Variants in MYO7A observed in about 807,000 individuals in gnomAD.
MYO7A encodes the protein myosin VIIA.
MYO7A carries 210 observed loss-of-function variants against 263.8 expected under a neutral mutation model. The observed-to-expected ratio is 0.80, with a 90% CI of 0.71 to 0.89. The LOEUF (loss-of-function observed/expected upper bound fraction) is 0.89, where lower values mean the gene tolerates loss of function less well. Ranked by LOEUF, MYO7A falls within the 40% of genes least tolerant of loss-of-function variation. MYO7A has a pLI of 0.00. For missense variants in MYO7A, 2,820 were observed against 2,968.3 expected (o/e 0.95, Z 1.16); for synonymous variants, 1,239 against 1,197.3 (o/e 1.03, Z -0.72).
At chr11:77,183,209 G>T (rs948061898) in intron 26 of MYO7A, 52 bp downstream of exon 26, 81 of 1,474,074 alleles carry the variant, frequency 5.5e-5, no homozygotes, top group Non-Finnish European at 6.5e-5. Flanking sequence ...GCCTTAGGTG[G>T]CCTAGGCTGG....
intron 34 of MYO7A, among the ~76,000 whole-genome samples, chr11:77,199,272 G>C (rs1490146355): frequency 6.6e-6 from 1 of 152,198 alleles, no homozygotes; most frequent in African/African-American, 2.4e-5. Context: ...CATTGAATAG[G>C]CCATTTTAAA....
At chr11:77,175,585 G>T in intron 18 of MYO7A, 121 bp downstream of exon 18, 1 of 964,120 alleles carries the variant, frequency 1.0e-6, no homozygotes, top group Non-Finnish European at 1.6e-6. Flanking sequence ...GCCGGGCTGT[G>T]GTGTGGCTGG....
chr11:77,196,629 C>A (rs930378016), intron 32 of MYO7A, among the ~76,000 whole-genome samples: 7 of 152,182 alleles, frequency 4.6e-5, no homozygotes, highest in African/African-American at 1.7e-4. Context: ...TGTCTCTCTG[C>A]CTACATATGT....
intron 41 of MYO7A, 45 bp downstream of exon 41, chr11:77,206,247 C>A: frequency 6.8e-7 from 1 of 1,474,200 alleles, no homozygotes; most frequent in Non-Finnish European, 9.3e-7. Flanking sequence ...AGGACAGGGC[C>A]GGGCTTCCTG....
At chr11:77,203,553 G>C (rs1459544906) in intron 38 of MYO7A, among the ~76,000 whole-genome samples, 3 of 152,172 alleles carry the variant, frequency 2.0e-5, no homozygotes, top group Non-Finnish European at 4.4e-5. Flanking sequence ...CCTGACCCAT[G>C]TGACCTGGAG....
chr11:77,160,768 C>G (rs567506524), intron 11 of MYO7A, among the ~76,000 whole-genome samples: 1 of 152,104 alleles, frequency 6.6e-6, no homozygotes, highest in African/African-American at 2.4e-5. Flanking sequence ...GTTATCTCAA[C>G]AGAGCCTTGA....
At chr11:77,185,922 A>ATTTT (rs370558760) in intron 27 of MYO7A, among the ~76,000 whole-genome samples, 1 of 137,894 alleles carries the variant, frequency 7.3e-6, no homozygotes. Context: ...CTTGTACATC[A>ATTTT]TTTTTTTTTT....
rs566476107 is a variant in MYO7A, at chr11:77,192,557, C to T, written c.4152+279C>T. Among the ~76,000 whole-genome samples the T allele has an allele frequency of 4.6e-5, 7 of 151,332 alleles. No homozygotes were observed. The East Asian group carries it at 7.7e-4, about 17-fold the overall frequency. Reference sequence around the variant, plus strand: ...TAGTGACTGTGCGTGCTACAGAGGACGTGCCGCAGGACCTGCTGCACCATT... The same window carrying T: ...TAGTGACTGTGCGTGCTACAGAGGATGTGCCGCAGGACCTGCTGCACCATT... On this transcript the variant is annotated intron_variant, in intron 31 of 48. Coordinates refer to ENST00000409709, the MANE Select transcript of MYO7A (RefSeq NM_000260.4).
intron 3 of MYO7A, 117 bp from the exon 4 acceptor site, chr11:77,147,681 G>T: frequency 3.7e-6 from 5 of 1,354,402 alleles, no homozygotes; most frequent in Non-Finnish European, 5.1e-6. Flanking sequence ...TGCCAGAGAG[G>T]TCGAGGCCCT....
intron 15 of MYO7A, among the ~76,000 whole-genome samples, chr11:77,172,463 C>T (rs1040578557): frequency 4.6e-5 from 7 of 152,160 alleles, no homozygotes; most frequent in Non-Finnish European, 1.0e-4. Context: ...GGTGCAGGGG[C>T]AGGCTTGAGA....
intron 41 of MYO7A, 69 bp from the exon 42 acceptor site, chr11:77,207,220 A>G (rs1957499142): frequency 1.7e-6 from 2 of 1,143,210 alleles, no homozygotes; most frequent in Non-Finnish European, 2.6e-6. Flanking sequence ...AGGCATAGCC[A>G]GAGGGGCCCG....
rs763807936 is a variant in MYO7A, at chr11:77,202,326, G to A, written c.5070G>A (p.Gln1690=). ...IVALVTMTPD[Q]RQDVVRLLQL... ...CCCTGGTCACCATGACTCCCGATCA[G>A]AGGCAGGACGTTGTCCGGCTCTTGC... The change falls in exon 37 of 49, where the codon CAG becomes CAA. Residue 1690 remains glutamine (Q), a synonymous_variant. Coordinates refer to ENST00000409709, the MANE Select transcript of MYO7A (RefSeq NM_000260.4). The A allele has an allele frequency of 1.9e-6, 3 of 1,585,360 alleles. No homozygotes were observed. Among genetic ancestry groups the A allele is most frequent in the South Asian group, 2.3e-5 (2 of 86,488 alleles).
chr11:77,197,053 C>T (rs563826685), intron 32 of MYO7A, among the ~76,000 whole-genome samples: 3 of 152,290 alleles, frequency 2.0e-5, no homozygotes, highest in Non-Finnish European at 4.4e-5. Context: ...TCACAGTCCC[C>T]CAGGACCTGG....
intron 34 of MYO7A, 73 bp from the exon 35 acceptor site, chr11:77,199,462 G>C: frequency 7.1e-7 from 1 of 1,406,020 alleles, no homozygotes; most frequent in Non-Finnish European, 9.3e-7. Context: ...CTTAGCCTGA[G>C]ATGTGTCTGA....
chr11:77,202,823 G>C (rs1272628027), intron 37 of MYO7A, among the ~76,000 whole-genome samples: 1 of 152,042 alleles, frequency 6.6e-6, no homozygotes, highest in Non-Finnish European at 1.5e-5. Flanking sequence ...GGTGGGGGAG[G>C]CTGGGGCACA....
At position 77,160,562 on chromosome 11, in the gene MYO7A, C is replaced by T. The variant is rs373835663; in HGVS notation, c.1200+280C>T. ...CTCTTTGGTCTCTTTGCAGAAGACA[C>T]AGAAGAGGGGATCTAGGTCAGGTCC... On this transcript the variant is annotated intron_variant, in intron 11 of 48. Transcript: ENST00000409709. Among the ~76,000 whole-genome samples, 4 of 152,176 alleles carry T rather than the reference C, an allele frequency of 2.6e-5. No homozygotes were observed. The East Asian group carries it at 7.7e-4, about 29-fold the overall frequency.
In MYO7A at chr11:77,207,272, C is replaced by T. The variant is rs180929855; in HGVS notation, c.5743-17C>T. On this transcript the variant is annotated splice_polypyrimidine_tract_variant and intron_variant, in intron 41 of 48. Transcript: ENST00000409709. Reference sequence around the variant, plus strand: ...GGAAAGGCCCTGCAGGAGCCCAGTGCTCACTGCCCCTCCCAGGCCTTCGAA... The same window carrying T: ...GGAAAGGCCCTGCAGGAGCCCAGTGTTCACTGCCCCTCCCAGGCCTTCGAA... The T allele has an allele frequency of 4.6e-3, 7,203 of 1,582,004 alleles. 482 individuals carry two copies. In the Admixed American group the frequency reaches 0.12, roughly 26 times the overall value.
intron 46 of MYO7A, chr11:77,212,288 C>T (rs966238813): frequency 2.4e-6 from 1 of 425,304 alleles, no homozygotes. Context: ...GATATCTGAG[C>T]TTTCCAGGCA....
At chr11:77,172,717 C>A (rs782026030) in intron 15 of MYO7A, 31 bp from the exon 16 acceptor site, 2 of 1,547,082 alleles carry the variant, frequency 1.3e-6, no homozygotes, top group Non-Finnish European at 1.7e-6. Context: ...GCAGGCACAG[C>A]CCCTCCCATC....
Sources: allele counts gnomAD v4.1 joint callset (sites outside exome capture counted in the v4.1 genomes callset), GRCh38; gene constraint gnomAD v4.1.1; transcripts MANE v1.5; gene names NCBI Gene and HGNC (gene_info 2026-07-23, HGNC 2026-07-21).